Variants in STAMBPL1 observed in about 807,000 individuals in gnomAD.
The protein encoded by STAMBPL1 is STAM binding protein like 1, also known as AMSH-like protease.
In STAMBPL1, 44 loss-of-function variants were observed where a neutral mutation model predicts 52.9. The ratio of observed to expected loss-of-function variants is 0.83; its 90% CI spans 0.65 to 1.07. The LOEUF is 1.07. STAMBPL1 is among the 50% of genes least tolerant of loss of function. The pLI, the probability that STAMBPL1 is intolerant of heterozygous loss-of-function variation, is 0.00. For synonymous variants in STAMBPL1, 164 were observed against 177.3 expected (o/e 0.92, Z 0.60); for missense variants, 511 against 520.8 (o/e 0.98, Z 0.18).
rs770073829 is a variant in STAMBPL1 at position 88,923,263 on chromosome 10, A to C, written c.*39A>C. 6.4e-7 allele frequency: 1 copy of C among 1,554,176 alleles called. No homozygotes were observed. Among genetic ancestry groups the C allele is most frequent in the Non-Finnish European group, 8.6e-7 (1 of 1,158,042 alleles). The stretch of plus-strand genomic sequence containing the variant: ...TAAGCACCGTCAACATCAGACACCT[A>C]CTCATGGACATGTGGTTGCCGGATT... On this transcript the variant is annotated 3_prime_UTR_variant, in exon 11 of 11. Transcript: ENST00000371926.
intron 1 of STAMBPL1, among the ~76,000 whole-genome samples, chr10:88,885,725 AGTT>A (rs1209454795): frequency 1.3e-5 from 2 of 152,196 alleles, no homozygotes; most frequent in Non-Finnish European, 2.9e-5. Context: ...AGCAAATTTT[AGTT>A]GTTCTTTGAC....
intron 5 of STAMBPL1, among the ~76,000 whole-genome samples, chr10:88,912,185 G>A (rs1845242002): frequency 6.6e-6 from 1 of 152,092 alleles, no homozygotes; most frequent in Admixed American, 6.5e-5. Context: ...AGAATCTCAG[G>A]CCCCACCCCA....
intron 1 of STAMBPL1, among the ~76,000 whole-genome samples, chr10:88,885,983 G>A (rs1263799538): frequency 6.6e-6 from 1 of 152,126 alleles, no homozygotes; most frequent in Non-Finnish European, 1.5e-5. Context: ...TCTTGGTCTT[G>A]TATAAAGTTG....
At chr10:88,910,096 C>T (rs1015793655) in intron 4 of STAMBPL1, among the ~76,000 whole-genome samples, 4 of 152,030 alleles carry the variant, frequency 2.6e-5, no homozygotes, top group Admixed American at 6.6e-5. Flanking sequence ...GAAAAATTCT[C>T]CAAAACCATA....
At chr10:88,910,058 T>G (rs1282384699) in intron 4 of STAMBPL1, among the ~76,000 whole-genome samples, 1 of 152,204 alleles carries the variant, frequency 6.6e-6, no homozygotes, top group Non-Finnish European at 1.5e-5. Flanking sequence ...TACTATAACT[T>G]AGGGTTATGC....
chr10:88,916,645 A>G, intron 7 of STAMBPL1, 35 bp from the exon 8 acceptor site: 1 of 1,522,888 alleles, frequency 6.6e-7, no homozygotes. Context: ...TTTTTCTGTG[A>G]GATGCATGTC....
At chr10:88,895,879 T>C (rs1844799277) in intron 1 of STAMBPL1, among the ~76,000 whole-genome samples, 1 of 152,176 alleles carries the variant, frequency 6.6e-6, no homozygotes, top group South Asian at 2.1e-4. Context: ...TGTGACTTTC[T>C]TGCACTCACA....
intron 3 of STAMBPL1, among the ~76,000 whole-genome samples, chr10:88,907,195 C>T (rs17114091): frequency 0.25 from 37,415 of 152,062 alleles, 4,882 homozygotes; most frequent in South Asian, 0.46. Context: ...AGCCTGAGAA[C>T]ATTTAAGAAG....
chr10:88,894,205 G>A (rs531307666), intron 1 of STAMBPL1, among the ~76,000 whole-genome samples: 1 of 152,094 alleles, frequency 6.6e-6, no homozygotes, highest in Non-Finnish European at 1.5e-5. Flanking sequence ...GGTTCCTGGA[G>A]CCAGAATTTG....
chr10:88,882,596 G>A (rs908775194), intron 1 of STAMBPL1: 1 of 152,190 alleles, frequency 6.6e-6, no homozygotes, highest in Non-Finnish European at 1.5e-5. Flanking sequence ...TGTAGATTCC[G>A]TCCAGGAAGT....
chr10:88,914,681 T>TAA lies in STAMBPL1; in HGVS notation c.903+24_903+25insAA, dbSNP rs750932960. ...CTGGTATGATCTTTTTATATAAATA[T>TAA]ATATATATATATATCTGCATAGGAT... On this transcript the variant is annotated intron_variant, in intron 7 of 10. Coordinates refer to ENST00000371926, the MANE Select transcript of STAMBPL1 (RefSeq NM_020799.4). The TAA allele has an allele frequency of 1.1e-4, 105 of 948,330 alleles. 1 individual carries two copies. The highest frequency in any genetic ancestry group is 2.6e-4 in the South Asian group (6 of 23,472). 58.7% of individuals were successfully genotyped at this position (948,330 alleles called of 1,614,324 possible).
chr10:88,901,494 A>G (rs1844942256), intron 1 of STAMBPL1, 162 bp from the exon 2 acceptor site: 1 of 403,198 alleles, frequency 2.5e-6, no homozygotes, highest in African/African-American at 2.1e-5. Flanking sequence ...GCAGTTTTGT[A>G]TTTTCAGGAA....
intron 3 of STAMBPL1, among the ~76,000 whole-genome samples, chr10:88,908,294 TG>T (rs1317360338): frequency 6.6e-6 from 1 of 152,204 alleles, no homozygotes; most frequent in Non-Finnish European, 1.5e-5. Context: ...GATTCATCAG[TG>T]GTCGTTTGAG....
At chr10:88,920,598 C>T (rs552716845) in intron 8 of STAMBPL1, among the ~76,000 whole-genome samples, 5 of 152,260 alleles carry the variant, frequency 3.3e-5, no homozygotes, top group African/African-American at 9.6e-5. Context: ...TATGAACCTC[C>T]GATTGGCCAT....
chr10:88,911,019 C>T lies in STAMBPL1; in HGVS notation c.420+8C>T. ...GAATATTTGCAAAGCAAAGTAAGTT[C>T]AGTTGGTACATTTATTTCATGACTA... On this transcript the variant is annotated splice_region_variant and intron_variant, in intron 5 of 10. Coordinates refer to ENST00000371926, the MANE Select transcript of STAMBPL1 (RefSeq NM_020799.4). 6.6e-7 allele frequency: 1 copy of T among 1,504,400 alleles called. No homozygotes were observed. Among genetic ancestry groups the T allele is most frequent in the Non-Finnish European group, 9.0e-7 (1 of 1,109,870 alleles). 93.2% of individuals were successfully genotyped at this position (1,504,400 alleles called of 1,614,324 possible).
At chr10:88,913,580 T>C (rs1845286785) in intron 6 of STAMBPL1, 122 bp downstream of exon 6, 2 of 797,048 alleles carry the variant, frequency 2.5e-6, no homozygotes, top group Non-Finnish European at 4.0e-6. Flanking sequence ...CTGCATAATA[T>C]GGTATGAATG....
intron 1 of STAMBPL1, among the ~76,000 whole-genome samples, chr10:88,888,271 G>T (rs894004587): frequency 1.3e-5 from 2 of 152,076 alleles, no homozygotes; most frequent in African/African-American, 2.4e-5. Flanking sequence ...GCTGGCGAGG[G>T]TTTAGACCTC....
chr10:88,887,691 A>AT (rs200918358), intron 1 of STAMBPL1, among the ~76,000 whole-genome samples: 6,751 of 149,936 alleles, frequency 0.045, 447 homozygotes, highest in African/African-American at 0.15. Flanking sequence ...GCTATTTTTA[A>AT]TTTTTTTTTT....
chr10:88,908,810 A>G (rs1405905416), intron 4 of STAMBPL1, 33 bp downstream of exon 4: 3 of 1,547,822 alleles, frequency 1.9e-6, no homozygotes, highest in Admixed American at 1.9e-5. Flanking sequence ...CTGTGGAATC[A>G]AATGCTCCAT....
Sources: allele counts gnomAD v4.1 joint callset (sites outside exome capture counted in the v4.1 genomes callset), GRCh38; gene constraint gnomAD v4.1.1; transcripts MANE v1.5; gene names NCBI Gene and HGNC (gene_info 2026-07-23, HGNC 2026-07-21).